Variants in ABCC4 observed in about 807,000 individuals in gnomAD.
ABCC4 encodes the protein ATP binding cassette subfamily C member 4 (PEL blood group).
ABCC4 carries 102 observed loss-of-function variants against 168.5 expected under a neutral mutation model. The observed-to-expected ratio is 0.61, with a 90% CI of 0.52 to 0.71. ABCC4 has a LOEUF of 0.71. Ranked by LOEUF, ABCC4 falls within the 30% of genes least tolerant of loss-of-function variation. The probability of loss-of-function intolerance (pLI) is 0.00; values close to 1 mark genes in which losing one functional copy is unlikely to be tolerated. For synonymous variants in ABCC4, 617 were observed against 590.7 expected, an observed-to-expected ratio of 1.04 and a Z score of -0.65; for missense variants, 1,402 against 1,605.8, an observed-to-expected ratio of 0.87 and a Z score of 2.17.
chr13:95,049,037 A>T (rs1183970336), intron 27 of ABCC4, among the ~76,000 whole-genome samples: 1 of 152,240 alleles, frequency 6.6e-6, no homozygotes, highest in East Asian at 1.9e-4. Flanking sequence ...ATTAGAAAAG[A>T]AACCCCAAAA....
Position 95,253,266 on chromosome 13 carries a change from C to T in ABCC4, c.75-5513G>A, listed in dbSNP as rs890882592. ...GGGGCTCACCCTCTGCCTTTACCTACGCTTAAATTTTCTCTGTAGCATCTG... is the reference window on the plus strand; with the variant it reads ...GGGGCTCACCCTCTGCCTTTACCTATGCTTAAATTTTCTCTGTAGCATCTG... On this transcript the variant is annotated intron_variant, in intron 1 of 30. Transcript: ENST00000645237. Among the ~76,000 whole-genome samples, 16 of 152,300 alleles carry T rather than the reference C, an allele frequency of 1.1e-4. No individual in the cohort carries two copies. In the East Asian group the frequency reaches 2.3e-3, roughly 22 times the overall value.
intron 9 of ABCC4, among the ~76,000 whole-genome samples, chr13:95,189,923 G>T (rs756199689): frequency 1.1e-4 from 17 of 151,986 alleles, no homozygotes; most frequent in Non-Finnish European, 1.9e-4. Flanking sequence ...ACTCATTAGG[G>T]TATCAGAAAT....
intron 4 of ABCC4, among the ~76,000 whole-genome samples, chr13:95,233,050 C>G (rs1324073538): frequency 2.6e-5 from 4 of 152,132 alleles, no homozygotes; most frequent in Admixed American, 2.6e-4. Context: ...TGTGTCTGTA[C>G]TGAACACACA....
At chr13:95,085,599 A>C (rs2034230931) in intron 20 of ABCC4, among the ~76,000 whole-genome samples, 1 of 152,222 alleles carries the variant, frequency 6.6e-6, no homozygotes, top group Admixed American at 6.5e-5. Context: ...TCGCAATCAC[A>C]GTTTGCTTGC....
At chr13:95,156,854 AG>A (rs754273773) in intron 19 of ABCC4, among the ~76,000 whole-genome samples, 50 of 152,168 alleles carry the variant, frequency 3.3e-4, no homozygotes, top group Non-Finnish European at 6.2e-4. Flanking sequence ...GCACTTTAGG[AG>A]GCCAAGATGG....
At chr13:95,083,000 A>G (rs1230716670) in intron 21 of ABCC4, 140 bp downstream of exon 21, 1 of 930,808 alleles carries the variant, frequency 1.1e-6, no homozygotes, top group Non-Finnish European at 1.6e-6. Flanking sequence ...AATGATTCAT[A>G]ATGGCCAATA....
chr13:95,285,704 T>C (rs893740193), intron 1 of ABCC4, among the ~76,000 whole-genome samples: 3 of 151,942 alleles, frequency 2.0e-5, no homozygotes, highest in Admixed American at 1.3e-4. Context: ...GGACAGCAAA[T>C]ATAAGGTGTG....
intron 20 of ABCC4, among the ~76,000 whole-genome samples, chr13:95,096,705 A>G (rs2034611321): frequency 1.3e-5 from 2 of 152,284 alleles, no homozygotes; most frequent in Middle Eastern, 3.4e-3. Flanking sequence ...AGAATCTTCT[A>G]TCTGTTGAAA....
chr13:95,112,694 C>G (rs1299258246), intron 20 of ABCC4, among the ~76,000 whole-genome samples: 1 of 152,150 alleles, frequency 6.6e-6, no homozygotes, highest in Admixed American at 6.6e-5. Flanking sequence ...TTTTTTTAAA[C>G]TCAATTGTTT....
intron 1 of ABCC4, among the ~76,000 whole-genome samples, chr13:95,300,257 T>G (rs1200590081): frequency 1.2e-4 from 19 of 152,112 alleles, no homozygotes; most frequent in African/African-American, 4.6e-4. Context: ...TTTAAGAAGG[T>G]AGAACTCCTG....
Position 95,241,818 on chromosome 13 carries a change from T to C in ABCC4, c.306+5157A>G, listed in dbSNP as rs1372618525. Among the ~76,000 whole-genome samples the C allele has an allele frequency of 2.6e-5, 4 of 152,334 alleles. No individual in the cohort carries two copies. In the East Asian group the frequency reaches 7.7e-4, roughly 29 times the overall value. On this transcript the variant is annotated intron_variant, in intron 3 of 30. Coordinates refer to ENST00000645237, the MANE Select transcript of ABCC4 (RefSeq NM_005845.5). ...CTGGTGTCACCATCTCTCTTCCTGC[T>C]GGTGCCATCATTAGTACCCAGGGAA...
At chr13:95,197,287 T>C (rs1014777476) in intron 8 of ABCC4, among the ~76,000 whole-genome samples, 9 of 152,230 alleles carry the variant, frequency 5.9e-5, no homozygotes, top group Non-Finnish European at 1.5e-5. Context: ...AGGTTATATA[T>C]ACATCTTCTT....
rs1322705031 is a variant in ABCC4, at chr13:95,178,017, T to A, written c.1620A>T (p.Lys540Asn). 3 of 1,614,224 alleles carry A rather than the reference T, an allele frequency of 1.9e-6. No homozygotes were observed. The South Asian group carries it at 3.3e-5, about 18-fold the overall frequency. ...CTTACCTTGCAAGGTTTACCCGTGC[T>A]TTCTGCCCTCCACTCAGCGTGGTTC... ...DRGTTLSGGQ[K>N]ARVNLARAVY... The change falls in exon 12 of 31, where the codon AAA becomes AAT. Residue 540 changes from lysine to asparagine, a missense_variant. This residue lies in a region of ABCC4 where 1,007 missense variants were observed against 1,127.3 expected (regional missense o/e 0.89). Transcript: ENST00000645237.
intron 29 of ABCC4, among the ~76,000 whole-genome samples, chr13:95,041,413 A>T (rs376652003): frequency 5.9e-5 from 9 of 152,342 alleles, no homozygotes; most frequent in Admixed American, 1.3e-4. Flanking sequence ...AACTATATCT[A>T]TCCGTCTTTG....
chr13:95,061,232 C>T (rs1449825314), intron 26 of ABCC4, among the ~76,000 whole-genome samples: 1 of 152,156 alleles, frequency 6.6e-6, no homozygotes, highest in Non-Finnish European at 1.5e-5. Context: ...TTAATTCTTT[C>T]TGGAAGTGGA....
At chr13:95,092,114 A>C (rs1594080899) in intron 20 of ABCC4, among the ~76,000 whole-genome samples, 1 of 152,200 alleles carries the variant, frequency 6.6e-6, no homozygotes, top group Admixed American at 6.5e-5. Context: ...AAAATATCAC[A>C]GTCCTAAACA....
At chr13:95,208,710 T>G (rs1291861745) in intron 6 of ABCC4, among the ~76,000 whole-genome samples, 1 of 138,908 alleles carries the variant, frequency 7.2e-6, no homozygotes, top group Non-Finnish European at 1.5e-5. Context: ...AACCTCTGCC[T>G]CCTGGATTCA....
At chr13:95,142,715 TATC>T (rs1218346513) in intron 19 of ABCC4, among the ~76,000 whole-genome samples, 2 of 152,186 alleles carry the variant, frequency 1.3e-5, no homozygotes, top group African/African-American at 2.4e-5. Context: ...GATTAGATCT[TATC>T]ATCATACTAC....
chr13:95,174,117 G>T (rs1231091521), intron 13 of ABCC4, among the ~76,000 whole-genome samples: 3 of 152,226 alleles, frequency 2.0e-5, no homozygotes, highest in Admixed American at 6.5e-5. Flanking sequence ...CTGAGAATTT[G>T]AGGCTTTCTA....
Sources: allele counts gnomAD v4.1 joint callset (sites outside exome capture counted in the v4.1 genomes callset), GRCh38; gene constraint gnomAD v4.1.1; regional missense constraint gnomAD v4.1.1; transcripts MANE v1.5; gene names NCBI Gene and HGNC (gene_info 2026-07-23, HGNC 2026-07-21).